The following MICAL1 variants were observed in gnomAD, a reference collection of about 807,000 sequenced individuals.
The protein encoded by MICAL1 is [F-actin]-monooxygenase MICAL1.
In MICAL1, 95 loss-of-function variants were observed where a neutral mutation model predicts 131.8. The ratio of observed to expected loss-of-function variants is 0.72; its 90% CI spans 0.61 to 0.86. The LOEUF (loss-of-function observed/expected upper bound fraction) is 0.86, where lower values mean the gene tolerates loss of function less well. Among genes scored for constraint, MICAL1 ranks in the 40% least tolerant of loss-of-function variants. The pLI, the probability that MICAL1 is intolerant of heterozygous loss-of-function variation, is 0.00. For missense variants in MICAL1, 1,292 were observed against 1,380.6 expected (o/e 0.94, Z 1.02); for synonymous variants, 546 against 554.2 (o/e 0.99, Z 0.21).
At position 109,444,244 on chromosome 6, in the gene MICAL1, G is replaced by C; in HGVS notation, c.3151C>G (p.Gln1051Glu). Residue 1051 changes from glutamine (Q) to glutamate (E), a missense_variant, in exon 25 of 25, where the codon CAG becomes GAG. Gln to Glu is a conservative substitution (Grantham distance 29). Transcript: ENST00000358807. ...AGCTCGCTGAGCCTGCGCTCCTCCT[G>C]GAAGCGGATGAGGGCATCTCTCTGG... is the stretch of plus-strand genomic sequence containing the variant. The part of the protein sequence containing the change: ...VNQRDALIRF[Q>E]EERRLSELAL... The C allele has an allele frequency of 6.2e-7, 1 of 1,613,658 alleles. No homozygotes were observed. Among genetic ancestry groups the C allele is most frequent in the South Asian group, 1.1e-5 (1 of 91,086 alleles).
chr6:109,444,144 G>T lies in MICAL1; in HGVS notation c.*47C>A, dbSNP rs1775096637. The stretch of plus-strand genomic sequence containing the variant: ...TGAACAGGGGTGGCACTGTGCTGGG[G>T]TGAGGTGCTTTCTTTGTGGGAACGA... On this transcript the variant is annotated 3_prime_UTR_variant, in exon 25 of 25. Coordinates refer to ENST00000358807, the MANE Select transcript of MICAL1 (RefSeq NM_022765.4). 1.9e-6 allele frequency: 3 copies of T among 1,597,056 alleles called. No homozygotes were observed. The highest frequency in any genetic ancestry group is 1.1e-5 in the South Asian group (1 of 90,736).
Position 109,445,277 on chromosome 6 carries a change from C to T in MICAL1, c.2801G>A (p.Arg934Gln), listed in dbSNP as rs752849655. ...RFCKAQTIQR[R>Q]LNEIEAALRE... ...CAAGGCAGCCTCAATCTCATTTAGTCGCCGTTGGATGGTCTGAGGGGTACA... is the reference window on the plus strand; with the variant it reads ...CAAGGCAGCCTCAATCTCATTTAGTTGCCGTTGGATGGTCTGAGGGGTACA... Residue 934 changes from arginine (R) to glutamine (Q), a missense_variant, in exon 22 of 25, where the codon CGA (arginine) becomes CAA (glutamine). By Grantham distance (43) the Arg-to-Gln change is conservative. Transcript: ENST00000358807. The T allele has an allele frequency of 6.8e-6, 11 of 1,614,102 alleles. No individual in the cohort carries two copies. Among genetic ancestry groups the T allele is most frequent in the African/African-American group, 1.3e-5 (1 of 75,064 alleles).
upstream of MICAL1, among the ~76,000 whole-genome samples, chr6:109,458,152 T>C (rs1440298174): frequency 6.6e-6 from 1 of 152,138 alleles, no homozygotes; most frequent in Non-Finnish European, 1.5e-5. Context: ...ATTAAAGCTA[T>C]TTATTAACCA....
rs1265609783 is a variant in MICAL1 at position 109,451,609 on chromosome 6, C to T, written c.924G>A (p.Val308=). ...CAGGACTGGGCCTCACCTGGCGCAG[C>T]ACCCCCAGCCGCAGCAGGCACTGCT... is the stretch of plus-strand genomic sequence containing the variant. ...AKKQCLLRLG[V]LRQDWPDTNR... Residue 308 remains valine, a synonymous_variant, in exon 7 of 25, where the codon GTG becomes GTA. Coordinates refer to ENST00000358807, the MANE Select transcript of MICAL1 (RefSeq NM_022765.4). 1.9e-6 allele frequency: 3 copies of T among 1,613,902 alleles called. No homozygotes were observed. The highest frequency in any genetic ancestry group is 2.5e-6 in the Non-Finnish European group (3 of 1,179,958).
Position 109,455,684 on chromosome 6 carries a change from G to A in MICAL1, c.-44+35C>T, listed in dbSNP as rs1243540492. On this transcript the variant is annotated intron_variant, in intron 1 of 24. Coordinates refer to ENST00000358807, the MANE Select transcript of MICAL1 (RefSeq NM_022765.4). The surrounding 1 kb of genome is among the most constrained non-coding windows in gnomAD (Gnocchi z 4.7). Reference sequence around the variant, plus strand: ...GCACCCCACCTCACCCCACCCGGCCGCGGGGCTCGCAGCCGGCTCCGCTGG... The same window carrying A: ...GCACCCCACCTCACCCCACCCGGCCACGGGGCTCGCAGCCGGCTCCGCTGG... 3 of 984,910 alleles carry A rather than the reference G, an allele frequency of 3.0e-6. No homozygotes were observed. Among genetic ancestry groups the A allele is most frequent in the East Asian group, 1.1e-4 (1 of 8,752 alleles). The allele number at this position is 984,910 out of a possible 1,614,324, so 61.0% of individuals were successfully genotyped here. A position where few individuals can be genotyped will look rare whatever the true frequency, so the allele number is the denominator to read the frequency against.
chr6:109,459,495 C>T (rs1327467425), upstream of MICAL1, among the ~76,000 whole-genome samples: 3 of 152,186 alleles, frequency 2.0e-5, no homozygotes, highest in Non-Finnish European at 2.9e-5. Flanking sequence ...TCAAGAATGA[C>T]ACCCAGCTTT....
Position 109,446,373 on chromosome 6 carries a change from G to T in MICAL1, c.2344C>A (p.Leu782Ile). The change falls in exon 19 of 25, where the codon CTC becomes ATC. Residue 782 changes from leucine (L) to isoleucine (I), a missense_variant. Physicochemically the swap from Leu to Ile is conservative, Grantham distance 5. Coordinates refer to ENST00000358807, the MANE Select transcript of MICAL1 (RefSeq NM_022765.4). ...TCCTGCGAGGCTGTGGGAGTTGAGA[G>T]GCCTGGTGGCATGCTATTCTCACTT... ...TPSENSMPPG[L>I]STPTASQEGA... 6.2e-7 allele frequency: 1 copy of T among 1,614,166 alleles called. No homozygotes were observed.
intron 11 of MICAL1, 75 bp from the exon 12 acceptor site, chr6:109,448,954 T>C (rs963815303): frequency 6.3e-7 from 1 of 1,576,606 alleles, no homozygotes; most frequent in Non-Finnish European, 8.6e-7. Flanking sequence ...AGCTGCTGCA[T>C]GTGGGGGTTC....
At position 109,444,146 on chromosome 6, in the gene MICAL1, G is replaced by A. The variant is rs914647876; in HGVS notation, c.*45C>T. 1 of 1,597,704 alleles carries A rather than the reference G, an allele frequency of 6.3e-7. No individual in the cohort carries two copies. The highest frequency in any genetic ancestry group is 8.5e-7 in the Non-Finnish European group (1 of 1,174,572). ...AACAGGGGTGGCACTGTGCTGGGGT[G>A]AGGTGCTTTCTTTGTGGGAACGAAA... is the stretch of plus-strand genomic sequence containing the variant. On this transcript the variant is annotated 3_prime_UTR_variant, in exon 25 of 25. Coordinates refer to ENST00000358807, the MANE Select transcript of MICAL1 (RefSeq NM_022765.4).
chr6:109,450,605 C>G (rs1214227516), intron 7 of MICAL1, 48 bp from the exon 8 acceptor site: 1 of 1,554,554 alleles, frequency 6.4e-7, no homozygotes, highest in Admixed American at 1.8e-5. Flanking sequence ...AGAGCAGGGT[C>G]AGTGGGCCAG....
At chr6:109,448,466 G>C in intron 12 of MICAL1, 73 bp from the exon 13 acceptor site, 1 of 1,544,754 alleles carries the variant, frequency 6.5e-7, no homozygotes, top group Non-Finnish European at 8.8e-7. Flanking sequence ...AGGGCAGCAG[G>C]AGGGGAGGGA....
intron 18 of MICAL1, 66 bp downstream of exon 18, chr6:109,446,630 G>A (rs1460032943): frequency 9.1e-6 from 14 of 1,534,988 alleles, no homozygotes; most frequent in East Asian, 2.3e-5. Flanking sequence ...CCAGCAAAGC[G>A]CTGGTTTGAC....
intron 1 of MICAL1, among the ~76,000 whole-genome samples, chr6:109,460,855 T>A (rs1031679368): frequency 6.6e-6 from 1 of 152,162 alleles, no homozygotes; most frequent in East Asian, 1.9e-4. Flanking sequence ...ACTTAAAATA[T>A]CCTCAGTCAA....
rs1775267065 is a variant in MICAL1, at chr6:109,447,219, C to G, written c.2081G>C (p.Gly694Ala). The change falls in exon 17 of 25, where the codon GGG becomes GCG. Residue 694 changes from glycine (G) to alanine (A), a missense_variant. Coordinates refer to ENST00000358807, the MANE Select transcript of MICAL1 (RefSeq NM_022765.4). ...TTCCCCACAAAGTGCACACAGGTCC[C>G]CAGCACCGGCCTGCGTGGACCCCCA... ...PPSQHQEAGA[G>A]DLCALCGEHL... is the part of the protein sequence containing the mutation. 6.2e-7 allele frequency: 1 copy of G among 1,613,930 alleles called. No individual in the cohort carries two copies. Among genetic ancestry groups the G allele is most frequent in the African/African-American group, 1.3e-5 (1 of 74,936 alleles).
Position 109,450,443 on chromosome 6 carries a change from CTA to C in MICAL1, c.1046_1047del (p.Leu349ArgfsTer11). On this transcript the variant is annotated frameshift_variant, in exon 8 of 25. Coordinates refer to ENST00000358807, the MANE Select transcript of MICAL1 (RefSeq NM_022765.4). LOFTEE classifies it high-confidence loss of function. Reference sequence around the variant, plus strand: ...TGCCCATGGGCATCCTGGGCAAACTCTAGTTTCCCGAGCTTGCCATGGGTGGC... The same window carrying C: ...TGCCCATGGGCATCCTGGGCAAACTCGTTTCCCGAGCTTGCCATGGGTGGC... ...DFATHGKLGKLEFAQDAHGQP... is the reference protein window; with the variant it reads ...DFATHGKLGKXEFAQDAHGQP... 2 of 1,613,598 alleles carry C rather than the reference CTA, an allele frequency of 1.2e-6. No individual in the cohort carries two copies. Among genetic ancestry groups the C allele is most frequent in the South Asian group, 1.1e-5 (1 of 91,090 alleles).
At chr6:109,458,976 G>A (rs1775827497), upstream of MICAL1, among the ~76,000 whole-genome samples, 1 of 152,130 alleles carries the variant, frequency 6.6e-6, no homozygotes, top group Non-Finnish European at 1.5e-5. Flanking sequence ...TGAGGTTAGA[G>A]GACAGATGAG....
rs1466049480 is a variant in MICAL1, at chr6:109,450,007, C to T, written c.1270G>A (p.Ala424Thr). Reference protein sequence around the residue: ...FDAAWMVKRWAEGAESLEVLA... With the variant: ...FDAAWMVKRWTEGAESLEVLA... ...ACCTCTAGGGACTCAGCGCCCTCTG[C>T]CCACCGCTTCACCATCCAGGCTGCA... is the stretch of plus-strand genomic sequence containing the variant. Residue 424 changes from alanine (A) to threonine (T), a missense_variant, in exon 9 of 25, where the codon GCA becomes ACA. Physicochemically the swap from Ala to Thr is moderately conservative, Grantham distance 58 (BLOSUM62 0). Coordinates refer to ENST00000358807, the MANE Select transcript of MICAL1 (RefSeq NM_022765.4). The T allele has an allele frequency of 4.3e-6, 7 of 1,614,086 alleles. No individual in the cohort carries two copies. In the South Asian group the frequency reaches 6.6e-5, roughly 15 times the overall value.
upstream of MICAL1, among the ~76,000 whole-genome samples, chr6:109,460,468 G>C (rs1318099077): frequency 6.7e-6 from 1 of 148,300 alleles, no homozygotes; most frequent in Non-Finnish European, 1.5e-5. Flanking sequence ...ATGAGCTTTA[G>C]TTTAAAAGCT....
intron 17 of MICAL1, 63 bp downstream of exon 17, chr6:109,447,010 C>G: frequency 6.3e-7 from 1 of 1,578,780 alleles, no homozygotes. Context: ...CTACCTCAAG[C>G]TCTGTGTCCC....
Sources: allele counts gnomAD v4.1 joint callset (sites outside exome capture counted in the v4.1 genomes callset), GRCh38; gene constraint gnomAD v4.1.1; non-coding constraint Gnocchi (gnomAD v3.1); transcripts MANE v1.5; gene names NCBI Gene and HGNC (gene_info 2026-07-23, HGNC 2026-07-21).